The following NOS1AP variants were observed in gnomAD, a reference collection of about 807,000 sequenced individuals.
The protein encoded by NOS1AP is carboxyl-terminal PDZ ligand of neuronal nitric oxide synthase protein.
In NOS1AP, 21 loss-of-function variants were observed where a neutral mutation model predicts 56.2. The ratio of observed to expected loss-of-function variants is 0.37; its 90% CI spans 0.26 to 0.54. The LOEUF (loss-of-function observed/expected upper bound fraction) is 0.54, where lower values mean the gene tolerates loss of function less well. Among genes scored for constraint, NOS1AP ranks in the 20% least tolerant of loss-of-function variants. The pLI, the probability that NOS1AP is intolerant of heterozygous loss-of-function variation, is 0.84. For missense variants in NOS1AP, 522 were observed against 657.8 expected (o/e 0.79, Z 2.26); for synonymous variants, 270 against 274.6 (o/e 0.98, Z 0.17).
At chr1:162,343,678 A>G (rs1347250539) in intron 5 of NOS1AP, among the ~76,000 whole-genome samples, 157 bp from the exon 6 acceptor site, 1 of 152,206 alleles carries the variant, frequency 6.6e-6, no homozygotes, top group African/African-American at 2.4e-5. Context: ...TTTCTGGAGT[A>G]TTTCAGAAAG....
At chr1:162,228,212 A>C (rs1334687614) in intron 2 of NOS1AP, among the ~76,000 whole-genome samples, 1 of 152,236 alleles carries the variant, frequency 6.6e-6, no homozygotes, top group Non-Finnish European at 1.5e-5. Context: ...CTGATATACC[A>C]TCATAATTTT....
chr1:162,257,561 ATC>A (rs1315088508), intron 2 of NOS1AP, among the ~76,000 whole-genome samples: 2 of 151,892 alleles, frequency 1.3e-5, no homozygotes, highest in African/African-American at 4.8e-5. Context: ...AGGCAGGAGA[ATC>A]TCTTGAATCC....
At chr1:162,095,849 G>A (rs1451973123) in intron 1 of NOS1AP, among the ~76,000 whole-genome samples, 1 of 152,110 alleles carries the variant, frequency 6.6e-6, no homozygotes, top group African/African-American at 2.4e-5. Context: ...TGATTATTGT[G>A]GAGATTAAAT....
chr1:162,284,993 G>A (rs1279814235), intron 2 of NOS1AP, among the ~76,000 whole-genome samples: 1 of 152,240 alleles, frequency 6.6e-6, no homozygotes, highest in East Asian at 1.9e-4. Context: ...ATGATGTAGT[G>A]TTTTGCAGAG....
chr1:162,188,144 C>G lies in NOS1AP; in HGVS notation c.177+33668C>G, dbSNP rs1454278876. On this transcript the variant is annotated intron_variant, in intron 2 of 9. Transcript: ENST00000361897. The surrounding 1 kb of genome is among the most constrained non-coding windows in gnomAD (Gnocchi z 4.0). ...GGGAAAGTGGCTGGACTCTTGAAAACTGGGACCAATTCTCATGTTTAAGAC... is the reference window on the plus strand; with the variant it reads ...GGGAAAGTGGCTGGACTCTTGAAAAGTGGGACCAATTCTCATGTTTAAGAC... Among the ~76,000 whole-genome samples the G allele has an allele frequency of 1.3e-5, 2 of 152,168 alleles. No homozygotes were observed. Among genetic ancestry groups the G allele is most frequent in the Non-Finnish European group, 2.9e-5 (2 of 68,026 alleles).
chr1:162,331,315 C>T (rs1656759676), intron 4 of NOS1AP, among the ~76,000 whole-genome samples: 1 of 152,078 alleles, frequency 6.6e-6, no homozygotes, highest in Non-Finnish European at 1.5e-5. Flanking sequence ...TGGGTTTTTT[C>T]ACAGTGTTGT....
At chr1:162,366,332 T>C (rs988488530) in intron 9 of NOS1AP, among the ~76,000 whole-genome samples, 2 of 152,206 alleles carry the variant, frequency 1.3e-5, no homozygotes, top group Non-Finnish European at 2.9e-5. Context: ...TTAATCCCTG[T>C]AGTTCTGCTG....
intron 3 of NOS1AP, among the ~76,000 whole-genome samples, chr1:162,299,503 G>T (rs1010696509): frequency 2.6e-5 from 4 of 152,172 alleles, no homozygotes; most frequent in Non-Finnish European, 4.4e-5. Flanking sequence ...ATTTGAAGGG[G>T]TTCTTGCTTA....
chr1:162,099,227 T>C (rs1204237792), intron 1 of NOS1AP, among the ~76,000 whole-genome samples: 1 of 150,920 alleles, frequency 6.6e-6, no homozygotes, highest in Non-Finnish European at 1.5e-5. Context: ...AGTCTCGCTC[T>C]GCCAGGCTGC....
At chr1:162,095,866 A>C (rs1692229827) in intron 1 of NOS1AP, among the ~76,000 whole-genome samples, 1 of 152,194 alleles carries the variant, frequency 6.6e-6, no homozygotes, top group Non-Finnish European at 1.5e-5. Flanking sequence ...AAATAACGTG[A>C]ATAAACTGTA....
chr1:162,348,400 G>T (rs1571236001), intron 6 of NOS1AP, among the ~76,000 whole-genome samples: 1 of 152,298 alleles, frequency 6.6e-6, no homozygotes, highest in African/African-American at 2.4e-5. Context: ...ATAGAGGCCA[G>T]TGTGGTCACA....
intron 2 of NOS1AP, among the ~76,000 whole-genome samples, chr1:162,201,231 C>A (rs1038911979): frequency 6.6e-6 from 1 of 152,160 alleles, no homozygotes; most frequent in East Asian, 1.9e-4. Context: ...CTGCAAAGGA[C>A]ATGATTTCAT....
chr1:162,352,136 T>C (rs1335075228), intron 6 of NOS1AP, among the ~76,000 whole-genome samples: 1 of 152,136 alleles, frequency 6.6e-6, no homozygotes, highest in African/African-American at 2.4e-5. Context: ...CTCAGCTGAC[T>C]GCAACCTCCG....
At chr1:162,311,029 C>T (rs935334023) in intron 4 of NOS1AP, among the ~76,000 whole-genome samples, 4 of 152,028 alleles carry the variant, frequency 2.6e-5, no homozygotes, top group African/African-American at 9.7e-5. Flanking sequence ...CTTTTTTTAA[C>T]CCTGCTAACA....
chr1:162,263,074 C>T (rs577340416), intron 2 of NOS1AP, among the ~76,000 whole-genome samples: 2 of 152,286 alleles, frequency 1.3e-5, no homozygotes, highest in East Asian at 3.9e-4. Context: ...GTTATCATCT[C>T]CTAATTTTTT....
At chr1:162,076,226 G>C (rs571384165) in intron 1 of NOS1AP, among the ~76,000 whole-genome samples, 3 of 152,126 alleles carry the variant, frequency 2.0e-5, no homozygotes, top group Non-Finnish European at 4.4e-5. Flanking sequence ...TTGTCCTGCT[G>C]TCTACCCTCC....
At chr1:162,250,640 G>A (rs2101691649) in intron 2 of NOS1AP, among the ~76,000 whole-genome samples, 1 of 152,320 alleles carries the variant, frequency 6.6e-6, no homozygotes, top group South Asian at 2.1e-4. Context: ...CCCCCATGCA[G>A]CAGTTGAGGG....
chr1:162,340,422 A>G (rs1017671910), intron 5 of NOS1AP, among the ~76,000 whole-genome samples: 1 of 152,206 alleles, frequency 6.6e-6, no homozygotes, highest in Non-Finnish European at 1.5e-5. Flanking sequence ...ATGTTAGCAT[A>G]CATAAGTAAG....
intron 1 of NOS1AP, among the ~76,000 whole-genome samples, chr1:162,139,994 A>AT (rs1456542775): frequency 2.6e-5 from 4 of 151,932 alleles, no homozygotes; most frequent in African/African-American, 7.3e-5. Context: ...CACGCAGCTA[A>AT]TTTTTTGTAT....
Sources: gnomAD v4.1 joint callset for allele counts (sites outside exome capture counted in the v4.1 genomes callset) on GRCh38, gnomAD v4.1.1 for gene constraint, Gnocchi (gnomAD v3.1) non-coding constraint, MANE v1.5 for transcripts, NCBI Gene and HGNC (gene_info 2026-07-23, HGNC 2026-07-21) for gene names.